SORBS2: variants seen among roughly 807,000 people sequenced by gnomAD.
The protein encoded by SORBS2 is sorbin and SH3 domain containing 2, also known as sorbin and SH3 domain-containing protein 2.
Under a neutral mutation model 97.7 loss-of-function variants are expected in SORBS2, and 46 were observed. The ratio of observed to expected loss-of-function variants is 0.47; its 90% CI spans 0.37 to 0.60. SORBS2 has a LOEUF of 0.60. SORBS2 is among the 20% of genes least tolerant of loss of function. The pLI is 0.00. For synonymous variants in SORBS2, 476 were observed against 473.4 expected (o/e 1.01, Z -0.07); for missense variants, 1,316 against 1,282.3 (o/e 1.03, Z -0.40).
At chr4:185,920,472 C>G (rs1405005036) in intron 1 of SORBS2, among the ~76,000 whole-genome samples, 1 of 152,172 alleles carries the variant, frequency 6.6e-6, no homozygotes, top group Non-Finnish European at 1.5e-5. Context: ...GTAACAGATC[C>G]TGCTTCATCT....
intron 2 of SORBS2, among the ~76,000 whole-genome samples, chr4:185,692,560 G>A (rs2098116183): frequency 6.6e-6 from 1 of 152,030 alleles, no homozygotes; most frequent in East Asian, 1.9e-4. Context: ...GGCTATTGGA[G>A]TTCACCTCTT....
intron 1 of SORBS2, among the ~76,000 whole-genome samples, chr4:185,800,598 C>G (rs1426062253): frequency 6.6e-6 from 1 of 152,198 alleles, no homozygotes; most frequent in African/African-American, 2.4e-5. Context: ...TTGCAGCTTT[C>G]TTCTCTGCTG....
chr4:185,746,556 G>T (rs2098762101), intron 2 of SORBS2, among the ~76,000 whole-genome samples: 1 of 152,110 alleles, frequency 6.6e-6, no homozygotes, highest in African/African-American at 2.4e-5. Context: ...GACCTCAAGT[G>T]GTCCTCCTGC....
intron 4 of SORBS2, among the ~76,000 whole-genome samples, chr4:185,662,944 C>G (rs2097542219): frequency 6.6e-6 from 1 of 152,190 alleles, no homozygotes; most frequent in African/African-American, 2.4e-5. Context: ...AATGGTATCT[C>G]AAGCTTCTTG....
chr4:185,791,346 G>A (rs1042049424), intron 1 of SORBS2, among the ~76,000 whole-genome samples: 1 of 152,172 alleles, frequency 6.6e-6, no homozygotes, highest in Non-Finnish European at 1.5e-5. Flanking sequence ...AGCTGGGCAA[G>A]TTAGCTTCAG....
intron 2 of SORBS2, among the ~76,000 whole-genome samples, chr4:185,650,664 C>A (rs770985303): frequency 2.0e-5 from 3 of 152,214 alleles, no homozygotes; most frequent in Non-Finnish European, 4.4e-5. Flanking sequence ...AAAGTCCATG[C>A]ACATTTCCAC....
At chr4:185,791,932 A>G (rs1168761324) in intron 1 of SORBS2, among the ~76,000 whole-genome samples, 1 of 152,228 alleles carries the variant, frequency 6.6e-6, no homozygotes, top group Non-Finnish European at 1.5e-5. Flanking sequence ...GTAAACAGAC[A>G]GGCCCCCTGG....
intron 1 of SORBS2, among the ~76,000 whole-genome samples, chr4:185,807,385 T>C (rs2099161395): frequency 6.6e-6 from 1 of 152,162 alleles, no homozygotes; most frequent in Non-Finnish European, 1.5e-5. Flanking sequence ...TTCTCTAAGG[T>C]ACAGAATTTA....
At chr4:185,748,387 T>C (rs944237888) in intron 2 of SORBS2, among the ~76,000 whole-genome samples, 8 of 152,144 alleles carry the variant, frequency 5.3e-5, no homozygotes, top group African/African-American at 1.9e-4. Flanking sequence ...TTGAAAATAT[T>C]TTCATAGTCT....
rs201366742 is a variant in SORBS2 at position 185,827,321 on chromosome 4, C to T, written c.-337-51955G>A. ...ATCATCACCATCATCACCATCATCA[C>T]CATCATCATCATCATCATCATCATC... On this transcript the variant is annotated intron_variant, in intron 1 of 20. Transcript: ENST00000284776. Among the ~76,000 whole-genome samples the T allele has an allele frequency of 2.1e-3, 80 of 38,042 alleles. 7 individuals carry two copies. Among genetic ancestry groups the T allele is most frequent in the Non-Finnish European group, 2.4e-3 (43 of 17,824 alleles). 25.0% of individuals were successfully genotyped at this position (38,042 alleles called of 152,430 possible). A position where few individuals can be genotyped will look rare whatever the true frequency, so the allele number is the denominator to read the frequency against.
At chr4:185,918,900 A>C (rs1233493763) in intron 1 of SORBS2, among the ~76,000 whole-genome samples, 5 of 152,240 alleles carry the variant, frequency 3.3e-5, no homozygotes, top group African/African-American at 1.2e-4. Flanking sequence ...ATGGATGCAC[A>C]AATGATCTGT....
chr4:185,853,112 C>T (rs1269390393), intron 1 of SORBS2, among the ~76,000 whole-genome samples: 2 of 152,072 alleles, frequency 1.3e-5, no homozygotes, highest in African/African-American at 2.4e-5. Context: ...CTAGTGGTGA[C>T]CCTGAGCTGG....
chr4:185,652,676 A>T, exon 2 of SORBS2: 1 of 1,614,084 alleles, frequency 6.2e-7, no homozygotes, highest in Non-Finnish European at 8.5e-7. Context: ...CTTGTGCACC[A>T]TGTGAATTTG....
intron 2 of SORBS2, among the ~76,000 whole-genome samples, chr4:185,734,820 C>A (rs2098672343): frequency 1.3e-5 from 2 of 152,208 alleles, no homozygotes; most frequent in African/African-American, 4.8e-5. Context: ...CTACCTGAAA[C>A]CACTCAGGGT....
At chr4:185,644,893 T>A (rs917849408) in intron 4 of SORBS2, among the ~76,000 whole-genome samples, 2 of 150,186 alleles carry the variant, frequency 1.3e-5, no homozygotes, top group African/African-American at 4.9e-5. Context: ...AAAGGGAGGG[T>A]TTTTTAGGTG....
At chr4:185,698,419 T>G (rs916919194) in intron 2 of SORBS2, among the ~76,000 whole-genome samples, 2 of 152,032 alleles carry the variant, frequency 1.3e-5, no homozygotes, top group African/African-American at 4.8e-5. Flanking sequence ...GAGGTTGCAG[T>G]GAGTCGAAGG....
intron 2 of SORBS2, among the ~76,000 whole-genome samples, chr4:185,730,521 C>T (rs1454435202): frequency 6.6e-6 from 1 of 152,200 alleles, no homozygotes; most frequent in Admixed American, 6.5e-5. Flanking sequence ...ACTGTCAGCA[C>T]TGCTTTCAAT....
intron 1 of SORBS2, among the ~76,000 whole-genome samples, chr4:185,785,422 G>C (rs1366191175): frequency 6.6e-6 from 1 of 152,168 alleles, no homozygotes; most frequent in Non-Finnish European, 1.5e-5. Context: ...ATCATGAATG[G>C]AAGAAATGAA....
chr4:185,736,541 C>T (rs866461227), intron 2 of SORBS2, among the ~76,000 whole-genome samples: 18 of 152,180 alleles, frequency 1.2e-4, no homozygotes, highest in African/African-American at 4.1e-4. Context: ...ATACTTTTAA[C>T]AGTCTAAAAA....
Sources: gnomAD v4.1 joint callset for allele counts (sites outside exome capture counted in the v4.1 genomes callset) on GRCh38, gnomAD v4.1.1 for gene constraint, MANE v1.5 for transcripts, NCBI Gene and HGNC (gene_info 2026-07-23, HGNC 2026-07-21) for gene names.